FSHR: variants seen among roughly 807,000 people sequenced by gnomAD.
The protein encoded by FSHR is follicle-stimulating hormone receptor.
In FSHR, 46 loss-of-function variants were observed where a neutral mutation model predicts 52.1. That is an observed-to-expected ratio of 0.88 (90% CI 0.70 to 1.13). The LOEUF (loss-of-function observed/expected upper bound fraction) is 1.13, where lower values mean the gene tolerates loss of function less well. FSHR is among the 50% of genes most tolerant of loss of function. The pLI is 0.00. For missense variants in FSHR, 964 were observed against 834.6 expected (o/e 1.16, Z -1.91); for synonymous variants, 399 against 309.6 (o/e 1.29, Z -3.03).
chr2:49,144,371 G>T (rs139774722), intron 1 of FSHR, among the ~76,000 whole-genome samples: 1 of 152,164 alleles, frequency 6.6e-6, no homozygotes, highest in Non-Finnish European at 1.5e-5. Context: ...TTTCCTATCT[G>T]ACTAGCATAA....
chr2:49,076,279 G>C (rs994813182), intron 1 of FSHR, among the ~76,000 whole-genome samples: 4 of 152,150 alleles, frequency 2.6e-5, no homozygotes, highest in Admixed American at 6.5e-5. Flanking sequence ...CACGTGGCTG[G>C]GGAGGCCTCA....
chr2:49,127,343 G>A (rs1347052508), intron 1 of FSHR, among the ~76,000 whole-genome samples: 1 of 147,770 alleles, frequency 6.8e-6, no homozygotes, highest in Admixed American at 6.8e-5. Context: ...AAAAAAAAAA[G>A]AAAAACAGAA....
chr2:49,064,268 C>T lies in FSHR; in HGVS notation c.224+3951G>A, dbSNP rs577192010. The stretch of plus-strand genomic sequence containing the variant: ...TCTGGTTTAAATATTTTTTCCTCCC[C>T]AAATTTCCTGTTAAAACTCAATCTC... On this transcript the variant is annotated intron_variant, in intron 2 of 9. Transcript: ENST00000406846. Among the ~76,000 whole-genome samples, 8 of 152,132 alleles carry T rather than the reference C, an allele frequency of 5.3e-5. No homozygotes were observed. The East Asian group carries it at 1.4e-3, about 26-fold the overall frequency.
intron 4 of FSHR, among the ~76,000 whole-genome samples, chr2:49,002,936 G>A (rs1307070986): frequency 6.6e-6 from 1 of 152,098 alleles, no homozygotes; most frequent in African/African-American, 2.4e-5. Context: ...AGACCATGAT[G>A]GATGATCATT....
intron 1 of FSHR, among the ~76,000 whole-genome samples, chr2:49,109,692 G>A (rs1671356884): frequency 6.6e-6 from 1 of 152,102 alleles, no homozygotes; most frequent in Admixed American, 6.6e-5. Flanking sequence ...CCACAAGCCT[G>A]CATAGTTCAA....
chr2:49,127,827 TTCC>T (rs1558456633), intron 1 of FSHR, among the ~76,000 whole-genome samples: 3,448 of 58,840 alleles, frequency 0.059, 375 homozygotes, highest in East Asian at 0.15. Flanking sequence ...CTTCTTCTTC[TTCC>T]TCTTCTTCTT....
At chr2:49,051,316 A>G (rs948637412) in intron 2 of FSHR, among the ~76,000 whole-genome samples, 2 of 152,160 alleles carry the variant, frequency 1.3e-5, no homozygotes, top group African/African-American at 4.8e-5. Context: ...CATGTAGGAG[A>G]GTTCCAGTTG....
intron 1 of FSHR, among the ~76,000 whole-genome samples, chr2:49,077,502 C>T (rs74777253): frequency 6.6e-6 from 1 of 152,124 alleles, no homozygotes; most frequent in East Asian, 1.9e-4. Context: ...CTCTAACGTG[C>T]CCTGGAGACA....
In FSHR at chr2:48,963,979, A is replaced by G; in HGVS notation, c.855-13T>C. ...ATGAAGCTCAGAGCTAGAAAAATACAAAAAGAAATAGAATCAACATCTCAG... is the reference window on the plus strand; with the variant it reads ...ATGAAGCTCAGAGCTAGAAAAATACGAAAAGAAATAGAATCAACATCTCAG... On this transcript the variant is annotated splice_polypyrimidine_tract_variant and intron_variant, in intron 9 of 9. Transcript: ENST00000406846. 1 of 1,609,576 alleles carries G rather than the reference A, an allele frequency of 6.2e-7. No homozygotes were observed. The highest frequency in any genetic ancestry group is 1.3e-5 in the African/African-American group (1 of 74,986).
intron 1 of FSHR, among the ~76,000 whole-genome samples, chr2:49,124,497 C>CTTGTTTCTCCCTGTGTTCATGATCTTCA (rs1379727730): frequency 2.6e-5 from 4 of 152,052 alleles, no homozygotes; most frequent in Non-Finnish European, 5.9e-5. Flanking sequence ...GATCTTCATC[C>CTTGTTTCTCCCTGTGTTCATGATCTTCA]TCCCTGCCTT....
At chr2:49,060,823 G>T (rs569653418) in intron 2 of FSHR, among the ~76,000 whole-genome samples, 62 of 152,130 alleles carry the variant, frequency 4.1e-4, no homozygotes, top group Admixed American at 1.4e-3. Context: ...CTCCCCCCCG[G>T]CCCAAACTAG....
intron 2 of FSHR, among the ~76,000 whole-genome samples, chr2:49,066,044 T>C (rs1669491454): frequency 6.6e-6 from 1 of 152,110 alleles, no homozygotes; most frequent in Non-Finnish European, 1.5e-5. Context: ...AATAATTTAA[T>C]AGTGTTGAAG....
At chr2:48,970,581 T>C (rs1052590147) in intron 8 of FSHR, among the ~76,000 whole-genome samples, 1 of 152,188 alleles carries the variant, frequency 6.6e-6, no homozygotes, top group African/African-American at 2.4e-5. Flanking sequence ...CTTCTGACTA[T>C]ACCCAATCTT....
chr2:49,123,728 T>C (rs1358083209), intron 1 of FSHR, among the ~76,000 whole-genome samples: 1 of 152,114 alleles, frequency 6.6e-6, no homozygotes, highest in Non-Finnish European at 1.5e-5. Flanking sequence ...CATTCAGTGT[T>C]TCTCCCCAGG....
At chr2:49,121,818 A>C (rs971981844) in intron 1 of FSHR, among the ~76,000 whole-genome samples, 1 of 152,154 alleles carries the variant, frequency 6.6e-6, no homozygotes, top group African/African-American at 2.4e-5. Flanking sequence ...CCTTAAGAAA[A>C]ATATCCATAA....
At position 49,111,945 on chromosome 2, in the gene FSHR, G is replaced by C. The variant is rs1027535302; in HGVS notation, c.152+42321C>G. On this transcript the variant is annotated intron_variant, in intron 1 of 9. Coordinates refer to ENST00000406846, the MANE Select transcript of FSHR (RefSeq NM_000145.4). Reference sequence around the variant, plus strand: ...AAATCTTGGTGAAGGAAGTAGGGCTGACAATATTGCCCGTAATTTATAGAA... The same window carrying C: ...AAATCTTGGTGAAGGAAGTAGGGCTCACAATATTGCCCGTAATTTATAGAA... 1.3e-5 allele frequency among the ~76,000 whole-genome samples: 2 copies of C among 152,180 alleles called. 1 individual carries two copies. The highest frequency in any genetic ancestry group is 1.3e-4 in the Admixed American group (2 of 15,270).
intron 2 of FSHR, among the ~76,000 whole-genome samples, chr2:49,023,489 G>A (rs1054649599): frequency 4.6e-5 from 7 of 152,164 alleles, no homozygotes; most frequent in Admixed American, 4.6e-4. Flanking sequence ...AAGTCCAGCA[G>A]GTGACAGCCC....
Position 49,012,188 on chromosome 2 carries a change from G to A in FSHR, c.374+5301C>T, listed in dbSNP as rs565951727. Among the ~76,000 whole-genome samples the A allele has an allele frequency of 2.0e-5, 3 of 152,256 alleles. No individual in the cohort carries two copies. The East Asian group carries it at 5.8e-4, about 29-fold the overall frequency. Reference sequence around the variant, plus strand: ...GAGCAGCAAAGAGAAACATCCAGCTGCCTGAGAATTACTTTAACAGGATGC... The same window carrying A: ...GAGCAGCAAAGAGAAACATCCAGCTACCTGAGAATTACTTTAACAGGATGC... On this transcript the variant is annotated intron_variant, in intron 4 of 9. Transcript: ENST00000406846.
intron 2 of FSHR, among the ~76,000 whole-genome samples, chr2:49,043,132 T>A (rs1318161863): frequency 6.6e-6 from 1 of 152,196 alleles, no homozygotes; most frequent in Non-Finnish European, 1.5e-5. Flanking sequence ...TTTCCCTTTA[T>A]GGCTTCATTC....
Sources: gnomAD v4.1 joint callset for allele counts (sites outside exome capture counted in the v4.1 genomes callset) on GRCh38, gnomAD v4.1.1 for gene constraint, MANE v1.5 for transcripts, NCBI Gene and HGNC (gene_info 2026-07-23, HGNC 2026-07-21) for gene names.